The following BBOF1 variants were observed in gnomAD, a reference collection of about 807,000 sequenced individuals.
BBOF1 encodes basal body-orientation factor 1.
Under a neutral mutation model 68.0 loss-of-function variants are expected in BBOF1, and 62 were observed. That is an observed-to-expected ratio of 0.91 (90% CI 0.74 to 1.13). BBOF1 has a LOEUF of 1.13. Ranked by LOEUF, BBOF1 falls within the 50% of genes most tolerant of loss-of-function variation. The pLI is 0.00. For synonymous variants in BBOF1, 208 were observed against 198.8 expected (o/e 1.05, Z -0.39); for missense variants, 534 against 600.1 (o/e 0.89, Z 1.15).
At chr14:74,055,441 G>A (rs557140370) in intron 8 of BBOF1, 143 bp from the exon 9 acceptor site, 48 of 615,522 alleles carry the variant, frequency 7.8e-5, no homozygotes, top group Non-Finnish European at 1.2e-4. Flanking sequence ...GAGCCACCGC[G>A]CCTGGCCTGT....
At chr14:74,067,730 C>T (rs184040196), downstream of BBOF1, among the ~76,000 whole-genome samples, 1 of 151,824 alleles carries the variant, frequency 6.6e-6, no homozygotes, top group South Asian at 2.1e-4. Context: ...TCAAGACCAG[C>T]CTAGGCAACA....
chr14:74,059,484 T>A (rs919576120), intron 11 of BBOF1: 3 of 430,996 alleles, frequency 7.0e-6, no homozygotes, highest in East Asian at 7.5e-5. Flanking sequence ...TCACCTGAGG[T>A]CAGGAGTTCG....
At chr14:74,046,197 T>C in intron 6 of BBOF1, 67 bp downstream of exon 6, 1 of 1,381,220 alleles carries the variant, frequency 7.2e-7, no homozygotes, top group South Asian at 1.3e-5. Flanking sequence ...TCTCTTTTCT[T>C]CTTACTTTCT....
intron 5 of BBOF1, among the ~76,000 whole-genome samples, chr14:74,041,809 G>T (rs1430567782): frequency 6.6e-6 from 1 of 152,158 alleles, no homozygotes; most frequent in East Asian, 1.9e-4. Flanking sequence ...GGCCAAGGTG[G>T]GCGGATCACT....
At chr14:74,074,684 G>T (rs907012027) in intron 9 of BBOF1, among the ~76,000 whole-genome samples, 2 of 152,126 alleles carry the variant, frequency 1.3e-5, no homozygotes, top group Non-Finnish European at 2.9e-5. Flanking sequence ...TGCTGGAAGT[G>T]GTTGACAGAC....
chr14:74,061,481 A>G (rs2060340547), intron 11 of BBOF1, among the ~76,000 whole-genome samples: 1 of 151,776 alleles, frequency 6.6e-6, no homozygotes, highest in African/African-American at 2.4e-5. Flanking sequence ...TTGTATTTTT[A>G]GTAGAGAAGG....
intron 2 of BBOF1, among the ~76,000 whole-genome samples, chr14:74,025,064 G>A (rs932047948): frequency 1.3e-5 from 2 of 152,016 alleles, no homozygotes; most frequent in Non-Finnish European, 1.5e-5. Context: ...CACAAAACCT[G>A]GCCAATTTTT....
rs866673681 is a variant in BBOF1, at chr14:74,044,660, T to C, written c.577-1400T>C. ...ATTTTTTTTGGCCAGGCGCGGTGGT[T>C]CATGCCTGTAATCCCAGCACTTTGG... On this transcript the variant is annotated intron_variant, in intron 5 of 11. Coordinates refer to ENST00000394009, the MANE Select transcript of BBOF1 (RefSeq NM_025057.3). Among the ~76,000 whole-genome samples the C allele has an allele frequency of 2.6e-5, 4 of 152,018 alleles. No individual in the cohort carries two copies. The South Asian group carries it at 8.3e-4, about 31-fold the overall frequency.
At chr14:74,074,339 T>C (rs1392161717) in intron 9 of BBOF1, among the ~76,000 whole-genome samples, 2 of 148,316 alleles carry the variant, frequency 1.3e-5, no homozygotes, top group Non-Finnish European at 3.0e-5. Flanking sequence ...CAGGCTGGAG[T>C]GCAATGGTGC....
At chr14:74,040,429 GA>G in intron 4 of BBOF1, 135 bp from the exon 5 acceptor site, 1 of 601,860 alleles carries the variant, frequency 1.7e-6, no homozygotes, top group Non-Finnish European at 2.9e-6. Flanking sequence ...CAGGAACACA[GA>G]TTTTTTCTGT....
intron 3 of BBOF1, among the ~76,000 whole-genome samples, chr14:74,032,748 T>C (rs1280862265): frequency 6.6e-6 from 1 of 152,156 alleles, no homozygotes; most frequent in Non-Finnish European, 1.5e-5. Context: ...CGCCTCAGCC[T>C]CCCAAAGTGC....
chr14:74,045,992 A>G, intron 5 of BBOF1, 68 bp from the exon 6 acceptor site: 3 of 1,375,332 alleles, frequency 2.2e-6, no homozygotes, highest in Non-Finnish European at 3.0e-6. Flanking sequence ...TCTAAAATAA[A>G]TATCTTTTGA....
intron 11 of BBOF1, 83 bp from the exon 12 acceptor site, chr14:74,064,605 C>G: frequency 7.3e-7 from 1 of 1,376,498 alleles, no homozygotes; most frequent in Non-Finnish European, 1.0e-6. Context: ...TCCCCATGCT[C>G]TTTCCTCAAA....
chr14:74,042,436 C>G (rs148397341), intron 5 of BBOF1, among the ~76,000 whole-genome samples: 1 of 152,126 alleles, frequency 6.6e-6, no homozygotes, highest in African/African-American at 2.4e-5. Flanking sequence ...ACAGAATACC[C>G]GAGTAACAGT....
Position 74,055,590 on chromosome 14 carries a change from TA to T in BBOF1, c.1294del (p.Ile432LeufsTer10). ...TTCCTTTGAAATTCTTTAGGACACA[TA>T]TTGAAGGAAATGTGGATATTGGAGA... ...DLLEAEKWTH[I>X]EGNVDIGDLT... On this transcript the variant is annotated frameshift_variant, in exon 9 of 12. Coordinates refer to ENST00000394009, the MANE Select transcript of BBOF1 (RefSeq NM_025057.3). LOFTEE classifies it high-confidence loss of function. The T allele has an allele frequency of 6.2e-7, 1 of 1,610,308 alleles. No individual in the cohort carries two copies. The highest frequency in any genetic ancestry group is 8.5e-7 in the Non-Finnish European group (1 of 1,176,916).
At chr14:74,047,863 A>C in intron 6 of BBOF1, 67 bp from the exon 7 acceptor site, 1 of 1,423,476 alleles carries the variant, frequency 7.0e-7, no homozygotes. Flanking sequence ...TGGTGAAGCA[A>C]TCATTTTTCT....
downstream of BBOF1, chr14:74,070,800 C>A: frequency 4.7e-6 from 1 of 213,184 alleles, no homozygotes; most frequent in East Asian, 1.3e-4. Context: ...AGGAACGGTG[C>A]CTGAAACACA....
chr14:74,067,297 C>A, downstream of BBOF1: 1 of 1,482,284 alleles, frequency 6.7e-7, no homozygotes. Flanking sequence ...TGATTGTTCC[C>A]ACTGGCCAAG....
At position 74,065,355 on chromosome 14, in the gene BBOF1, A is replaced by G. The variant is rs2060444339; in HGVS notation, c.*656A>G. The G allele has an allele frequency of 6.2e-7, 1 of 1,614,024 alleles. No individual in the cohort carries two copies. The highest frequency in any genetic ancestry group is 8.5e-7 in the Non-Finnish European group (1 of 1,180,004). On this transcript the variant is annotated 3_prime_UTR_variant, in exon 12 of 12. Coordinates refer to ENST00000394009, the MANE Select transcript of BBOF1 (RefSeq NM_025057.3). ...AAATCTCCTCTTTGTAACAGGTCATATTTGGCTGCCAGGAGTGATGCATCC... is the reference window on the plus strand; with the variant it reads ...AAATCTCCTCTTTGTAACAGGTCATGTTTGGCTGCCAGGAGTGATGCATCC...
Sources: allele counts gnomAD v4.1 joint callset (sites outside exome capture counted in the v4.1 genomes callset), GRCh38; gene constraint gnomAD v4.1.1; transcripts MANE v1.5; gene names NCBI Gene and HGNC (gene_info 2026-07-23, HGNC 2026-07-21).